Variants in MMP26 observed in about 807,000 individuals in gnomAD.
The protein encoded by MMP26 is matrix metalloproteinase-26.
A neutral mutation model predicts 31.0 loss-of-function variants in MMP26; 33 were observed. The observed-to-expected ratio is 1.06, with a 90% CI of 0.81 to 1.42. MMP26 has a LOEUF of 1.42. Ranked by LOEUF, MMP26 falls within the 40% of genes most tolerant of loss-of-function variation. The pLI, the probability that MMP26 is intolerant of heterozygous loss-of-function variation, is 0.00. For synonymous variants in MMP26, 122 were observed against 114.9 expected, an observed-to-expected ratio of 1.06 and a Z score of -0.40; for missense variants, 347 against 316.1, an observed-to-expected ratio of 1.10 and a Z score of -0.74.
chr11:4,833,182 G>T (rs1443943969), intron 2 of MMP26: 1 of 152,090 alleles, frequency 6.6e-6, no homozygotes, highest in African/African-American at 2.4e-5. Flanking sequence ...TTTTAAATTA[G>T]CATTAATTAA....
At chr11:4,814,255 C>G (rs1158399017) in intron 2 of MMP26, among the ~76,000 whole-genome samples, 1 of 152,088 alleles carries the variant, frequency 6.6e-6, no homozygotes, top group Non-Finnish European at 1.5e-5. Flanking sequence ...GTTGCATACT[C>G]CAAATAAATG....
chr11:4,737,750 C>T (rs2133289719), intron 1 of MMP26, among the ~76,000 whole-genome samples: 1 of 152,236 alleles, frequency 6.6e-6, no homozygotes, highest in East Asian at 1.9e-4. Context: ...TTGTACTGTC[C>T]ACACAAAGAG....
At chr11:4,944,853 G>A (rs1423992017) in intron 2 of MMP26, 1 of 151,580 alleles carries the variant, frequency 6.6e-6, no homozygotes, top group Non-Finnish European at 1.5e-5. Flanking sequence ...TAAAAAACTT[G>A]TATCCTACCT....
intron 2 of MMP26, among the ~76,000 whole-genome samples, chr11:4,817,593 G>A (rs1021049906): frequency 6.6e-6 from 1 of 151,770 alleles, no homozygotes; most frequent in Admixed American, 6.6e-5. Context: ...TCTTAAAAAA[G>A]CAAACAAACA....
chr11:4,898,109 T>G (rs540556332), intron 2 of MMP26, among the ~76,000 whole-genome samples: 1 of 151,750 alleles, frequency 6.6e-6, no homozygotes, highest in African/African-American at 2.4e-5. Flanking sequence ...GAAGGTCTTA[T>G]GGCTATGGAT....
intron 2 of MMP26, among the ~76,000 whole-genome samples, chr11:4,788,723 G>A (rs185000640): frequency 1.3e-5 from 2 of 152,250 alleles, no homozygotes. Context: ...GAAGGGTTAG[G>A]AAGATGAGAG....
rs144796552 is a variant in MMP26, at chr11:4,907,600, C to A, written c.-144-80468C>A. The A allele has an allele frequency of 1.5e-3, 2,486 of 1,613,856 alleles. 11 individuals are homozygous for A. Among genetic ancestry groups the A allele is most frequent in the South Asian group, 7.8e-3 (710 of 91,070 alleles). The stretch of plus-strand genomic sequence containing the variant: ...CTGACATGGGCCTGTCCCTCTCCTC[C>A]CTTCCTACCATGTTGAGGGTCTTCT... On this transcript the variant is annotated intron_variant, in intron 2 of 7. Transcript: ENST00000380390.
chr11:4,707,406 T>C (rs1366913089), intron 1 of MMP26, among the ~76,000 whole-genome samples: 1 of 152,138 alleles, frequency 6.6e-6, no homozygotes, highest in Admixed American at 6.5e-5. Context: ...GTTGTAGGAG[T>C]TCTTTATATA....
chr11:4,851,816 A>G (rs1027457298), intron 2 of MMP26, among the ~76,000 whole-genome samples: 1 of 152,170 alleles, frequency 6.6e-6, no homozygotes, highest in Non-Finnish European at 1.5e-5. Context: ...TGGTAAAAAA[A>G]TAAAAAGATG....
At chr11:4,724,142 C>A in intron 1 of MMP26, 1 of 597,608 alleles carries the variant, frequency 1.7e-6, no homozygotes, top group East Asian at 2.7e-5. Context: ...GTGGACACCT[C>A]GTAGGACTTC....
At chr11:4,753,720 C>T (rs922109090) in intron 1 of MMP26, among the ~76,000 whole-genome samples, 2 of 152,070 alleles carry the variant, frequency 1.3e-5, no homozygotes, top group Admixed American at 1.3e-4. Flanking sequence ...GAAAACATCT[C>T]TTTTCAGTAA....
intron 2 of MMP26, among the ~76,000 whole-genome samples, chr11:4,853,816 A>G (rs889042960): frequency 6.6e-6 from 1 of 152,206 alleles, no homozygotes; most frequent in African/African-American, 2.4e-5. Flanking sequence ...TCTTGATTCT[A>G]AAGCCAAATC....
intron 2 of MMP26, among the ~76,000 whole-genome samples, chr11:4,889,242 A>T (rs1479906054): frequency 2.0e-5 from 3 of 152,162 alleles, no homozygotes; most frequent in Non-Finnish European, 4.4e-5. Flanking sequence ...TCAATCTCAT[A>T]TAAAACGGCA....
intron 2 of MMP26, among the ~76,000 whole-genome samples, chr11:4,898,827 CTCTCTGTGTGTGTG>C (rs1290331331): frequency 2.1e-3 from 108 of 51,800 alleles, no homozygotes; most frequent in East Asian, 5.9e-3. Flanking sequence ...CTCTCTCTCT[CTCTCTGTGTGTGTG>C]TGTGTGTGTG....
intron 2 of MMP26, among the ~76,000 whole-genome samples, chr11:4,850,137 C>T (rs566243458): frequency 1.3e-5 from 2 of 152,138 alleles, no homozygotes; most frequent in Non-Finnish European, 2.9e-5. Context: ...CCTTGGCCCT[C>T]TTTATTTTCC....
At chr11:4,732,171 C>T (rs1431795652) in intron 1 of MMP26, among the ~76,000 whole-genome samples, 1 of 152,140 alleles carries the variant, frequency 6.6e-6, no homozygotes, top group Non-Finnish European at 1.5e-5. Context: ...GCTTCCACTT[C>T]TCGTTCGATA....
chr11:4,761,890 A>C (rs146942035), intron 1 of MMP26, among the ~76,000 whole-genome samples: 65 of 152,250 alleles, frequency 4.3e-4, no homozygotes, highest in African/African-American at 1.5e-3. Flanking sequence ...AGCAAGCTGC[A>C]ATATAGAATG....
intron 1 of MMP26, among the ~76,000 whole-genome samples, chr11:4,747,484 T>C (rs534404039): frequency 6.6e-6 from 1 of 152,304 alleles, no homozygotes; most frequent in African/African-American, 2.4e-5. Flanking sequence ...TGTGCAATGG[T>C]TACCTCTATA....
chr11:4,733,734 GT>G (rs1465857736), intron 1 of MMP26, among the ~76,000 whole-genome samples: 1 of 152,152 alleles, frequency 6.6e-6, no homozygotes, highest in Admixed American at 6.5e-5. Flanking sequence ...ATGGATGAGA[GT>G]GGACATCCTT....
Sources: allele counts gnomAD v4.1 joint callset (sites outside exome capture counted in the v4.1 genomes callset), GRCh38; gene constraint gnomAD v4.1.1; transcripts MANE v1.5; gene names NCBI Gene and HGNC (gene_info 2026-07-23, HGNC 2026-07-21).